HVCN1: variants seen among roughly 807,000 people sequenced by gnomAD.
HVCN1 encodes the protein hydrogen voltage gated channel 1, also known as voltage-gated hydrogen channel 1.
Under a neutral mutation model 29.2 loss-of-function variants are expected in HVCN1, and 14 were observed. The observed-to-expected ratio is 0.48, with a 90% CI of 0.32 to 0.75. The LOEUF is 0.75. HVCN1 is among the 30% of genes least tolerant of loss of function. HVCN1 has a pLI of 0.04. For synonymous variants in HVCN1, 131 were observed against 133.2 expected (o/e 0.98, Z 0.11); for missense variants, 263 against 341.8 (o/e 0.77, Z 1.82).
chr12:110,657,982 G>C (rs2068044494), intron 4 of HVCN1, among the ~76,000 whole-genome samples: 1 of 152,172 alleles, frequency 6.6e-6, no homozygotes, highest in South Asian at 2.1e-4. Flanking sequence ...AAAGTGGGGT[G>C]GGCCACATTT....
intron 1 of HVCN1, among the ~76,000 whole-genome samples, chr12:110,704,464 A>G (rs1425762009): frequency 1.3e-5 from 2 of 151,944 alleles, no homozygotes; most frequent in Non-Finnish European, 2.9e-5. Flanking sequence ...GCCTGGGGCA[A>G]CATAGCAAGA....
intron 3 of HVCN1, among the ~76,000 whole-genome samples, chr12:110,662,424 G>A (rs781144777): frequency 1.4e-4 from 22 of 152,226 alleles, no homozygotes; most frequent in Non-Finnish European, 2.8e-4. Flanking sequence ...AAAATAGGGT[G>A]CGCATGGTGG....
upstream of HVCN1, among the ~76,000 whole-genome samples, chr12:110,694,309 G>A (rs966652512): frequency 3.3e-5 from 5 of 152,300 alleles, no homozygotes; most frequent in African/African-American, 9.6e-5. The surrounding 1 kb of genome is among the most constrained non-coding windows in gnomAD (Gnocchi z 4.6). Context: ...GGATCCTCCC[G>A]CCTTGGTCTC....
intron 2 of HVCN1, among the ~76,000 whole-genome samples, chr12:110,699,630 T>G (rs2069542951): frequency 6.6e-6 from 1 of 151,792 alleles, no homozygotes; most frequent in Admixed American, 6.6e-5. Flanking sequence ...AACAGCCAGA[T>G]CGAATGTGAG....
At chr12:110,690,197 A>G (rs1337832817), upstream of HVCN1, among the ~76,000 whole-genome samples, 3 of 152,132 alleles carry the variant, frequency 2.0e-5, no homozygotes, top group African/African-American at 7.2e-5. Context: ...GGCTGTCTCA[A>G]TCCGACCTCT....
intron 3 of HVCN1, among the ~76,000 whole-genome samples, chr12:110,667,244 C>T (rs570139218): frequency 6.6e-6 from 1 of 152,212 alleles, no homozygotes; most frequent in East Asian, 1.9e-4. Flanking sequence ...AAGTGATTCT[C>T]CTGCCTCAGC....
At chr12:110,672,101 A>G (rs952293500) in intron 3 of HVCN1, among the ~76,000 whole-genome samples, 7 of 152,158 alleles carry the variant, frequency 4.6e-5, no homozygotes, top group Non-Finnish European at 1.0e-4. Context: ...GGGACAAAGG[A>G]GGGGATTGGC....
rs762354999 is a variant in HVCN1 at position 110,661,147 on chromosome 12, A to C, written c.306+17T>G. The C allele has an allele frequency of 6.3e-7, 1 of 1,576,422 alleles. No homozygotes were observed. Among genetic ancestry groups the C allele is most frequent in the South Asian group, 1.2e-5 (1 of 85,052 alleles). ...CTCCTGCCAGCTCTGGGTATCCCGGACTCCTGCCCCACCTACCTGAAACCT... is the reference window on the plus strand; with the variant it reads ...CTCCTGCCAGCTCTGGGTATCCCGGCCTCCTGCCCCACCTACCTGAAACCT... On this transcript the variant is annotated intron_variant, in intron 4 of 7. Transcript: ENST00000242607. The surrounding 1 kb of genome is among the most constrained non-coding windows in gnomAD (Gnocchi z 6.2).
chr12:110,702,472 T>C (rs2069573121), intron 1 of HVCN1: 1 of 152,012 alleles, frequency 6.6e-6, no homozygotes, highest in South Asian at 2.1e-4. Context: ...CAATAAACTA[T>C]TTAATTTATT....
upstream of HVCN1, among the ~76,000 whole-genome samples, chr12:110,694,770 C>A (rs1436460480): frequency 6.6e-6 from 1 of 152,216 alleles, no homozygotes; most frequent in Non-Finnish European, 1.5e-5. The surrounding 1 kb of genome is among the most constrained non-coding windows in gnomAD (Gnocchi z 4.6). Flanking sequence ...AAGGCCTGGG[C>A]ACCGATGCCT....
chr12:110,656,544 C>T (rs1429519144), intron 4 of HVCN1, among the ~76,000 whole-genome samples: 2 of 152,166 alleles, frequency 1.3e-5, no homozygotes, highest in African/African-American at 4.8e-5. Context: ...AGTGACCCTT[C>T]TCTTCCCTTG....
intron 3 of HVCN1, among the ~76,000 whole-genome samples, chr12:110,664,504 T>C (rs1429104900): frequency 6.6e-6 from 1 of 152,230 alleles, no homozygotes; most frequent in Non-Finnish European, 1.5e-5. Context: ...GCTTCTGGCC[T>C]TATTACACTC....
upstream of HVCN1, among the ~76,000 whole-genome samples, chr12:110,690,239 A>G (rs1351480356): frequency 1.3e-5 from 2 of 152,088 alleles, no homozygotes; most frequent in Non-Finnish European, 2.9e-5. Context: ...TCTCCCTTCT[A>G]AGGAGCCCTG....
intron 3 of HVCN1, among the ~76,000 whole-genome samples, chr12:110,673,647 A>G (rs1392167142): frequency 6.6e-6 from 1 of 152,166 alleles, no homozygotes; most frequent in Non-Finnish European, 1.5e-5. Flanking sequence ...CCCTGTGTCC[A>G]GCTGCTCCAG....
At chr12:110,699,431 G>A (rs1011096344) in intron 2 of HVCN1, among the ~76,000 whole-genome samples, 6 of 152,044 alleles carry the variant, frequency 3.9e-5, no homozygotes, top group Non-Finnish European at 5.9e-5. Flanking sequence ...CCCAAGCCAG[G>A]GTTTCTAGGC....
At chr12:110,700,305 C>T (rs535484158) in intron 2 of HVCN1, among the ~76,000 whole-genome samples, 70 of 152,308 alleles carry the variant, frequency 4.6e-4, no homozygotes, top group African/African-American at 1.5e-3. Flanking sequence ...AGCCATGAAG[C>T]GGCAGGGTAG....
chr12:110,681,280 T>G (rs1002060191), intron 3 of HVCN1, among the ~76,000 whole-genome samples: 1 of 152,218 alleles, frequency 6.6e-6, no homozygotes, highest in Non-Finnish European at 1.5e-5. Flanking sequence ...CTAAGAAACA[T>G]GGTGCCATAA....
rs12301319 is a variant in HVCN1, at chr12:110,658,054, G to A, written c.307-2716C>T. The stretch of plus-strand genomic sequence containing the variant: ...GAAGTATGAAGGGCGCTTAGCACAC[G>A]GCTGGCCTGCGGTGCATGGGAATGA... On this transcript the variant is annotated intron_variant, in intron 4 of 7. Coordinates refer to ENST00000242607, the MANE Select transcript of HVCN1 (RefSeq NM_032369.4). This position sits in a 1 kb window ranked among gnomAD's most constrained non-coding sequence, Gnocchi z 5.0. Among the ~76,000 whole-genome samples, 72 of 152,262 alleles carry A rather than the reference G, an allele frequency of 4.7e-4. No homozygotes were observed. The highest frequency in any genetic ancestry group is 1.7e-3 in the African/African-American group (70 of 41,530).
At chr12:110,690,515 C>T (rs2069380300), upstream of HVCN1, among the ~76,000 whole-genome samples, 1 of 152,146 alleles carries the variant, frequency 6.6e-6, no homozygotes, top group South Asian at 2.1e-4. Flanking sequence ...GTCTCACTGT[C>T]GTCCAGCCTG....
Sources: gnomAD v4.1 joint callset for allele counts (sites outside exome capture counted in the v4.1 genomes callset) on GRCh38, gnomAD v4.1.1 for gene constraint, Gnocchi (gnomAD v3.1) non-coding constraint, MANE v1.5 for transcripts, NCBI Gene and HGNC (gene_info 2026-07-23, HGNC 2026-07-21) for gene names.